TP63: variants seen among roughly 807,000 people sequenced by gnomAD.
TP63 encodes tumor protein p63, also known as tumor protein 63.
Under a neutral mutation model 82.8 loss-of-function variants are expected in TP63, and 17 were observed. That is an observed-to-expected ratio of 0.21 (90% CI 0.14 to 0.31). The LOEUF is 0.31. Ranked by LOEUF, TP63 falls within the 10% of genes least tolerant of loss-of-function variation. The pLI is 1.00. For missense variants in TP63, 648 were observed against 895.3 expected (o/e 0.72, Z 3.52); for synonymous variants, 330 against 321.7 (o/e 1.03, Z -0.28).
intron 1 of TP63, among the ~76,000 whole-genome samples, chr3:189,682,546 AAAAAAAAAT>A (rs1270798863): frequency 2.4e-3 from 89 of 37,664 alleles, no homozygotes; most frequent in African/African-American, 4.3e-3. Flanking sequence ...GAAAAAAAAA[AAAAAAAAAT>A]ATATATATAT....
At chr3:189,894,083 T>C (rs1721277996) in intron 13 of TP63, 123 bp from the exon 14 acceptor site, 3 of 1,264,990 alleles carry the variant, frequency 2.4e-6, no homozygotes, top group Middle Eastern at 1.9e-4. Context: ...TATTTTCTAA[T>C]TTGTGGATCA....
intron 1 of TP63, among the ~76,000 whole-genome samples, chr3:189,702,404 G>C (rs115598870): frequency 2.3e-3 from 345 of 152,232 alleles, no homozygotes; most frequent in African/African-American, 8.1e-3. Flanking sequence ...CCTTGCTGTC[G>C]TAGATTATCT....
intron 4 of TP63, among the ~76,000 whole-genome samples, chr3:189,833,248 G>A (rs1712628749): frequency 6.6e-6 from 1 of 152,212 alleles, no homozygotes; most frequent in African/African-American, 2.4e-5. Context: ...TGATGATAGT[G>A]ATGGCCTCAA....
At chr3:189,735,565 C>T (rs1720518966) in intron 1 of TP63, among the ~76,000 whole-genome samples, 1 of 152,092 alleles carries the variant, frequency 6.6e-6, no homozygotes, top group Non-Finnish European at 1.5e-5. Context: ...GTAACACAAC[C>T]AATATCTGAT....
intron 1 of TP63, among the ~76,000 whole-genome samples, chr3:189,735,449 A>G (rs1375693936): frequency 6.6e-6 from 1 of 152,194 alleles, no homozygotes; most frequent in African/African-American, 2.4e-5. Flanking sequence ...TTCAAGCCAG[A>G]TCCTCCAACT....
chr3:189,704,316 T>C (rs1039880173), intron 1 of TP63, among the ~76,000 whole-genome samples: 1 of 152,262 alleles, frequency 6.6e-6, no homozygotes, highest in African/African-American at 2.4e-5. Context: ...GTGGTAATAC[T>C]GAATTAACAT....
chr3:189,807,209 A>G (rs1284286922), intron 3 of TP63, among the ~76,000 whole-genome samples: 1 of 152,258 alleles, frequency 6.6e-6, no homozygotes, highest in Non-Finnish European at 1.5e-5. Flanking sequence ...AAATGATGAT[A>G]GGCTGATTTG....
At chr3:189,727,609 T>G (rs556765131) in intron 1 of TP63, among the ~76,000 whole-genome samples, 87 of 152,342 alleles carry the variant, frequency 5.7e-4, no homozygotes, top group Non-Finnish European at 7.9e-4. Context: ...TAAATTCAAT[T>G]TATCACATTC....
chr3:189,622,650 C>A, the TP63 span, among the ~76,000 whole-genome samples: 1 of 152,340 alleles, frequency 6.6e-6, no homozygotes, highest in East Asian at 1.9e-4. Flanking sequence ...CAACACCAGG[C>A]ATACCATAGG....
intron 10 of TP63, among the ~76,000 whole-genome samples, chr3:189,879,286 A>G (rs1217522944): frequency 2.6e-5 from 4 of 152,250 alleles, no homozygotes; most frequent in African/African-American, 9.6e-5. Context: ...AACAATTTCC[A>G]AACAGTTCAT....
chr3:189,868,869 T>C (rs1035042836), intron 8 of TP63, among the ~76,000 whole-genome samples, 153 bp downstream of exon 8: 7 of 152,166 alleles, frequency 4.6e-5, no homozygotes, highest in African/African-American at 1.2e-4. Context: ...AGGTATAGCA[T>C]TGAAGTGGAC....
chr3:189,626,120 T>C, the TP63 span, among the ~76,000 whole-genome samples: 8 of 152,206 alleles, frequency 5.3e-5, no homozygotes, highest in Non-Finnish European at 8.8e-5. Flanking sequence ...GTCATTCGAA[T>C]ACCATTCAGT....
intron 4 of TP63, 143 bp downstream of exon 4, chr3:189,808,669 CAG>C: frequency 2.7e-5 from 40 of 1,484,310 alleles, no homozygotes; most frequent in Middle Eastern, 2.1e-4. Flanking sequence ...AATACTGAAC[CAG>C]AGAGAGAGAA....
At chr3:189,770,676 C>G (rs1489512603) in intron 3 of TP63, among the ~76,000 whole-genome samples, 1 of 152,136 alleles carries the variant, frequency 6.6e-6, no homozygotes, top group Admixed American at 6.5e-5. Flanking sequence ...GAAGGCTGTC[C>G]CTTCTTTTTC....
intron 4 of TP63, among the ~76,000 whole-genome samples, chr3:189,830,495 A>G (rs1028901485): frequency 6.6e-6 from 1 of 152,248 alleles, no homozygotes; most frequent in African/African-American, 2.4e-5. Context: ...GTTGAAAGTC[A>G]TCACTTTTCC....
At chr3:189,710,291 A>T (rs901183545) in intron 1 of TP63, among the ~76,000 whole-genome samples, 11 of 152,320 alleles carry the variant, frequency 7.2e-5, no homozygotes, top group African/African-American at 1.9e-4. Context: ...TGAAAGAGGC[A>T]AAATAACTTG....
intron 1 of TP63, among the ~76,000 whole-genome samples, chr3:189,731,026 T>C (rs1720128475): frequency 6.6e-6 from 1 of 151,580 alleles, no homozygotes; most frequent in Admixed American, 6.6e-5. Context: ...TGATGCACAA[T>C]TTTTTTTCTT....
At chr3:189,872,400 A>AAT (rs1718533671) in intron 9 of TP63, among the ~76,000 whole-genome samples, 2 of 147,116 alleles carry the variant, frequency 1.4e-5, no homozygotes, top group South Asian at 4.4e-4. Flanking sequence ...AAGTTTCTCT[A>AAT]ACACACACAC....
Position 189,631,753 on chromosome 3 carries a change from T to G in TP63, c.62+176T>G, listed in dbSNP as rs553475875. ...GTGGACATATTTTCTGAATGTCTTT[T>G]TTGGTTGATATTTGGATCTACAAAG... On this transcript the variant is annotated intron_variant, in intron 1 of 13. Transcript: ENST00000264731. Among the ~76,000 whole-genome samples, 6 of 152,266 alleles carry G rather than the reference T, an allele frequency of 3.9e-5. No individual in the cohort carries two copies. In the East Asian group the frequency reaches 1.2e-3, roughly 29 times the overall value.
Sources: gnomAD v4.1 joint callset for allele counts (sites outside exome capture counted in the v4.1 genomes callset) on GRCh38, gnomAD v4.1.1 for gene constraint, MANE v1.5 for transcripts, NCBI Gene and HGNC (gene_info 2026-07-23, HGNC 2026-07-21) for gene names.